ZNF892: variants seen among roughly 807,000 people sequenced by gnomAD.
ZNF892 encodes zinc finger protein 892.
the ZNF892 span, chr2:95,259,596 T>A: frequency 6.6e-6 from 1 of 152,218 alleles, no homozygotes; most frequent in Admixed American, 6.5e-5. Flanking sequence ...CCCCAGCATC[T>A]GGGAGAGGAA....
chr2:95,206,870 C>T, the ZNF892 span, among the ~76,000 whole-genome samples: 1 of 152,104 alleles, frequency 6.6e-6, no homozygotes, highest in Non-Finnish European at 1.5e-5. Context: ...GTCTTATTTA[C>T]ATGAGAAGCA....
At chr2:95,235,957 C>G in the ZNF892 span, among the ~76,000 whole-genome samples, 1 of 152,144 alleles carries the variant, frequency 6.6e-6, no homozygotes, top group South Asian at 2.1e-4. Flanking sequence ...GAACTGTCTT[C>G]CTACAATCAC....
chr2:95,261,279 A>G, the ZNF892 span, among the ~76,000 whole-genome samples: 1 of 151,720 alleles, frequency 6.6e-6, no homozygotes, highest in Non-Finnish European at 1.5e-5. Flanking sequence ...CCATTTGTCA[A>G]AGACCCTTAC....
At chr2:95,212,475 TC>T in the ZNF892 span, among the ~76,000 whole-genome samples, 2 of 152,248 alleles carry the variant, frequency 1.3e-5, no homozygotes, top group African/African-American at 4.8e-5. Context: ...GTAAATACTT[TC>T]TACTCTTTCA....
At chr2:95,224,890 A>G in the ZNF892 span, among the ~76,000 whole-genome samples, 3 of 152,204 alleles carry the variant, frequency 2.0e-5, no homozygotes, top group Non-Finnish European at 4.4e-5. Flanking sequence ...CTTACAAAAG[A>G]ACAAGTTTGG....
chr2:95,210,991 C>T, the ZNF892 span, among the ~76,000 whole-genome samples: 2 of 152,190 alleles, frequency 1.3e-5, no homozygotes, highest in East Asian at 3.9e-4. Flanking sequence ...AGGACACACA[C>T]TTCAAGCAGA....
At chr2:95,251,080 G>A in the ZNF892 span, among the ~76,000 whole-genome samples, 1 of 151,076 alleles carries the variant, frequency 6.6e-6, no homozygotes, top group Non-Finnish European at 1.5e-5. Flanking sequence ...TATTCTTTAA[G>A]CCAGTTCAGT....
the ZNF892 span, among the ~76,000 whole-genome samples, chr2:95,232,494 TAGG>T: frequency 4.6e-5 from 7 of 152,202 alleles, no homozygotes; most frequent in African/African-American, 9.6e-5. Flanking sequence ...AGCAGAATGA[TAGG>T]AGAGAGATTT....
chr2:95,235,455 G>A, the ZNF892 span, among the ~76,000 whole-genome samples: 2 of 151,032 alleles, frequency 1.3e-5, no homozygotes. Context: ...TCCACCTCTC[G>A]GGCTTACGCC....
the ZNF892 span, among the ~76,000 whole-genome samples, chr2:95,255,700 T>A: frequency 6.6e-6 from 1 of 152,158 alleles, no homozygotes; most frequent in Non-Finnish European, 1.5e-5. Context: ...CCCATTATTA[T>A]TGTGTGGGAG....
chr2:95,249,231 A>ATTTTTTTTTTTTTTT, the ZNF892 span, among the ~76,000 whole-genome samples: 1 of 57,090 alleles, frequency 1.8e-5, no homozygotes, highest in Non-Finnish European at 3.0e-5. Context: ...ATATATATAT[A>ATTTTTTTTTTTTTTT]TTTTTTTTTT....
the ZNF892 span, among the ~76,000 whole-genome samples, chr2:95,255,180 A>G: frequency 6.6e-6 from 1 of 151,930 alleles, no homozygotes; most frequent in South Asian, 2.1e-4. Flanking sequence ...TAGGGTGTCA[A>G]TTTTAGATCT....
the ZNF892 span, among the ~76,000 whole-genome samples, chr2:95,228,104 A>G: frequency 2.0e-5 from 3 of 152,178 alleles, no homozygotes; most frequent in African/African-American, 7.2e-5. Context: ...TTCAGTCTGG[A>G]ATGGTCTTTC....
At chr2:95,215,323 C>A in the ZNF892 span, 1 of 469,918 alleles carries the variant, frequency 2.1e-6, no homozygotes, top group South Asian at 6.0e-5. Context: ...AGTGACCGCT[C>A]AGCCCTTATT....
the ZNF892 span, among the ~76,000 whole-genome samples, chr2:95,234,541 A>G: frequency 1.3e-5 from 2 of 152,182 alleles, no homozygotes; most frequent in Non-Finnish European, 1.5e-5. Flanking sequence ...TTCTTGTCCA[A>G]TCACATTTCT....
At chr2:95,246,630 T>G in the ZNF892 span, among the ~76,000 whole-genome samples, 1 of 152,128 alleles carries the variant, frequency 6.6e-6, no homozygotes, top group Non-Finnish European at 1.5e-5. Context: ...GGCCCAAAAG[T>G]TTCTTAAGCT....
At chr2:95,214,463 A>G in the ZNF892 span, 1 of 398,554 alleles carries the variant, frequency 2.5e-6, no homozygotes, top group Non-Finnish European at 4.4e-6. Context: ...AGGATTCTTT[A>G]GAGAGTCAGC....
At chr2:95,257,314 T>TC in the ZNF892 span, among the ~76,000 whole-genome samples, 1 of 152,340 alleles carries the variant, frequency 6.6e-6, no homozygotes, top group South Asian at 2.1e-4. Context: ...TGCAGGTCTG[T>TC]TGGAGTTTGC....
chr2:95,212,431 C>T, the ZNF892 span: 2,188 of 395,956 alleles, frequency 5.5e-3, 10 homozygotes, highest in Middle Eastern at 8.9e-3. Flanking sequence ...GGATGGTTAT[C>T]TGTTTATAAA....
Sources: allele counts gnomAD v4.1 joint callset (sites outside exome capture counted in the v4.1 genomes callset), GRCh38; gene constraint gnomAD v4.1.1; transcripts MANE v1.5; gene names NCBI Gene and HGNC (gene_info 2026-07-23, HGNC 2026-07-21).